MTUS2: variants seen among roughly 807,000 people sequenced by gnomAD.
The protein encoded by MTUS2 is microtubule-associated tumor suppressor candidate 2.
In MTUS2, 40 loss-of-function variants were observed where a neutral mutation model predicts 114.1. The observed-to-expected ratio is 0.35, with a 90% CI of 0.27 to 0.46. MTUS2 has a LOEUF of 0.46. Among genes scored for constraint, MTUS2 ranks in the 20% least tolerant of loss-of-function variants. The pLI is 1.00. For missense variants in MTUS2, 1,679 were observed against 1,705.4 expected (o/e 0.98, Z 0.27); for synonymous variants, 688 against 672.0 (o/e 1.02, Z -0.37).
intron 5 of MTUS2, among the ~76,000 whole-genome samples, chr13:29,232,698 G>A (rs1426994701): frequency 6.6e-6 from 1 of 152,152 alleles, no homozygotes; most frequent in East Asian, 1.9e-4. Flanking sequence ...ATTTGACTAT[G>A]TGGAGAGAAG....
intron 2 of MTUS2, among the ~76,000 whole-genome samples, chr13:28,897,629 A>C (rs1879359153): frequency 6.6e-6 from 1 of 152,160 alleles, no homozygotes; most frequent in Non-Finnish European, 1.5e-5. Flanking sequence ...ACTATTCACA[A>C]TAGCAAAGAC....
intron 2 of MTUS2, among the ~76,000 whole-genome samples, chr13:28,885,215 C>T (rs1878520946): frequency 6.6e-6 from 1 of 152,074 alleles, no homozygotes; most frequent in African/African-American, 2.4e-5. Flanking sequence ...ATCTGGTAAA[C>T]ATTAGTGAGA....
chr13:29,421,595 T>C (rs1003887758), intron 8 of MTUS2, among the ~76,000 whole-genome samples: 1 of 152,218 alleles, frequency 6.6e-6, no homozygotes, highest in African/African-American at 2.4e-5. Flanking sequence ...TAGAGACCTA[T>C]CTTCAAGGCA....
intron 5 of MTUS2, among the ~76,000 whole-genome samples, chr13:29,179,229 T>C (rs985435604): frequency 6.6e-6 from 1 of 152,208 alleles, no homozygotes; most frequent in African/African-American, 2.4e-5. Flanking sequence ...CCCAAGAGGT[T>C]AGTAAGAAAA....
chr13:28,894,242 A>T (rs998332809), intron 2 of MTUS2, among the ~76,000 whole-genome samples: 1 of 132,904 alleles, frequency 7.5e-6, no homozygotes, highest in African/African-American at 2.8e-5. Flanking sequence ...GGCCTCTGGG[A>T]TGGGATTAAT....
At chr13:29,234,102 T>C (rs1566082110) in intron 5 of MTUS2, among the ~76,000 whole-genome samples, 1 of 152,202 alleles carries the variant, frequency 6.6e-6, no homozygotes, top group Non-Finnish European at 1.5e-5. Flanking sequence ...GGAAAATAGC[T>C]TCCAGTCCCT....
chr13:28,994,149 G>A (rs1415088212), intron 2 of MTUS2, among the ~76,000 whole-genome samples: 2 of 152,146 alleles, frequency 1.3e-5, no homozygotes, highest in Admixed American at 6.5e-5. Context: ...AGAACATGCA[G>A]TGTTTGGTTT....
chr13:29,389,549 ATACACGTGTGTATATGTG>A (rs1482029011), intron 8 of MTUS2, among the ~76,000 whole-genome samples: 1 of 86,430 alleles, frequency 1.2e-5, no homozygotes, highest in African/African-American at 5.0e-5. Flanking sequence ...GTGTATATGT[ATACACGTGTGTATATGTG>A]TACATATGTG....
intron 5 of MTUS2, among the ~76,000 whole-genome samples, chr13:29,116,583 G>A (rs575407098): frequency 6.6e-6 from 1 of 152,116 alleles, no homozygotes; most frequent in Admixed American, 6.5e-5. Context: ...CACAGCAAGA[G>A]ATTAAGAACA....
rs1886441906 is a variant in MTUS2, at chr13:29,024,881, A to C, written c.183A>C (p.Gly61=). The change falls in exon 3 of 16, where the codon GGA becomes GGC. Residue 61 remains glycine (G), a synonymous_variant. Coordinates refer to ENST00000612955, the MANE Select transcript of MTUS2 (RefSeq NM_001033602.4). ...SKTCDLGDEI[G]NTNSSEPENR... Reference sequence around the variant, plus strand: ...CATGTGACCTGGGAGATGAAATTGGAAATACAAATTCAAGTGAGCCAGAAA... The same window carrying C: ...CATGTGACCTGGGAGATGAAATTGGCAATACAAATTCAAGTGAGCCAGAAA... 6.2e-7 allele frequency: 1 copy of C among 1,613,822 alleles called. No homozygotes were observed. Among genetic ancestry groups the C allele is most frequent in the South Asian group, 1.1e-5 (1 of 91,078 alleles).
intron 5 of MTUS2, among the ~76,000 whole-genome samples, chr13:29,167,221 A>C (rs1893352831): frequency 6.6e-6 from 1 of 152,104 alleles, no homozygotes; most frequent in South Asian, 2.1e-4. Flanking sequence ...AAAAAATACA[A>C]AAAATTAGCC....
intron 5 of MTUS2, among the ~76,000 whole-genome samples, chr13:29,171,475 C>T (rs980377164): frequency 6.6e-6 from 1 of 152,026 alleles, no homozygotes; most frequent in Admixed American, 6.6e-5. Flanking sequence ...TGAGATGGGT[C>T]AGACAGGGAC....
chr13:28,888,452 G>A (rs1368297353), intron 2 of MTUS2, among the ~76,000 whole-genome samples: 2 of 132,316 alleles, frequency 1.5e-5, no homozygotes, highest in East Asian at 2.2e-4. Context: ...ATGGAGTTTC[G>A]CTCTTGTTGC....
chr13:29,038,792 T>C (rs770989059), intron 4 of MTUS2, among the ~76,000 whole-genome samples: 1 of 152,244 alleles, frequency 6.6e-6, no homozygotes, highest in Non-Finnish European at 1.5e-5. Flanking sequence ...TTTGGGGTGC[T>C]GCGGTGGGCT....
At chr13:28,849,965 G>GT (rs943212241) in intron 2 of MTUS2, among the ~76,000 whole-genome samples, 2 of 152,120 alleles carry the variant, frequency 1.3e-5, no homozygotes, top group African/African-American at 4.8e-5. Context: ...GTAGTGTCAT[G>GT]TTTTATCAGA....
intron 2 of MTUS2, among the ~76,000 whole-genome samples, chr13:28,944,007 G>A (rs533633552): frequency 2.6e-5 from 4 of 152,096 alleles, no homozygotes; most frequent in African/African-American, 4.8e-5. Flanking sequence ...TTTTTGTAGT[G>A]TATTGGTGTT....
intron 2 of MTUS2, among the ~76,000 whole-genome samples, chr13:28,967,434 G>T (rs1281869020): frequency 2.0e-5 from 3 of 152,124 alleles, no homozygotes; most frequent in Admixed American, 6.5e-5. Flanking sequence ...TATCCCTGTA[G>T]TCTTGCCAGT....
intron 9 of MTUS2, among the ~76,000 whole-genome samples, chr13:29,441,213 C>T (rs1877833351): frequency 6.6e-6 from 1 of 152,008 alleles, no homozygotes; most frequent in Non-Finnish European, 1.5e-5. Context: ...CCAGGAGAAG[C>T]CCAGGGGTTG....
intron 5 of MTUS2, among the ~76,000 whole-genome samples, chr13:29,191,598 A>G (rs1008504942): frequency 1.3e-5 from 2 of 152,138 alleles, no homozygotes; most frequent in African/African-American, 2.4e-5. Context: ...TCTGTGTCCA[A>G]GAGACCATCT....
Sources: allele counts gnomAD v4.1 joint callset (sites outside exome capture counted in the v4.1 genomes callset), GRCh38; gene constraint gnomAD v4.1.1; transcripts MANE v1.5; gene names NCBI Gene and HGNC (gene_info 2026-07-23, HGNC 2026-07-21).